Variants in CAMTA1 observed in about 807,000 individuals in gnomAD.
CAMTA1 encodes the protein calmodulin-binding transcription activator 1.
Under a neutral mutation model 170.9 loss-of-function variants are expected in CAMTA1, and 27 were observed. That is an observed-to-expected ratio of 0.16 (90% confidence interval 0.12 to 0.22). The LOEUF (loss-of-function observed/expected upper bound fraction) is 0.22. Among genes scored for constraint, CAMTA1 ranks in the 10% least tolerant of loss-of-function variants. The probability of loss-of-function intolerance (pLI) is 1.00; values close to 1 mark genes in which losing one functional copy is unlikely to be tolerated. For missense variants in CAMTA1, 1,619 were observed against 2,217.2 expected, an observed-to-expected ratio of 0.73 and a Z score of 5.42; for synonymous variants, 833 against 891.5, an observed-to-expected ratio of 0.93 and a Z score of 1.17.
chr1:7,309,610 AT>A (rs1444531689), intron 5 of CAMTA1, among the ~76,000 whole-genome samples: 1 of 151,764 alleles, frequency 6.6e-6, no homozygotes, highest in Non-Finnish European at 1.5e-5. Context: ...GAAAACTTTT[AT>A]TCCTTTGTTT....
intron 3 of CAMTA1, among the ~76,000 whole-genome samples, chr1:6,921,450 T>C (rs1681990785): frequency 6.6e-6 from 1 of 152,246 alleles, no homozygotes; most frequent in Non-Finnish European, 1.5e-5. Context: ...TTTCCTGTCT[T>C]CTTCTGAGCC....
At position 7,635,915 on chromosome 1, in the gene CAMTA1, C is replaced by T. The variant is rs772092090; in HGVS notation, c.511-4485C>T. 6.6e-5 allele frequency among the ~76,000 whole-genome samples: 10 copies of T among 152,276 alleles called. No homozygotes were observed. The highest frequency in any genetic ancestry group is 1.3e-4 in the Non-Finnish European group (9 of 68,018). ...TGTGTGCCCCAAATTTCCAAAATAC[C>T]TCCATCAGCCCATGTCTGAAAACCA... On this transcript the variant is annotated intron_variant, in intron 6 of 22. Transcript: ENST00000303635. The surrounding 1 kb of genome is among the most constrained non-coding windows in gnomAD (Gnocchi z 4.4).
chr1:6,990,362 C>A (rs554997533), intron 3 of CAMTA1, among the ~76,000 whole-genome samples: 1 of 152,016 alleles, frequency 6.6e-6, no homozygotes, highest in Admixed American at 6.6e-5. Context: ...ATGATATATC[C>A]ATCACTTTAA....
In CAMTA1 at chr1:7,493,443, A is replaced by G. The variant is rs1486219301; in HGVS notation, c.510+25542A>G. Among the ~76,000 whole-genome samples the G allele has an allele frequency of 2.7e-5, 4 of 146,352 alleles. 1 individual carries two copies. Among genetic ancestry groups the G allele is most frequent in the East Asian group, 4.1e-4 (2 of 4,898 alleles). On this transcript the variant is annotated intron_variant, in intron 6 of 22. Coordinates refer to ENST00000303635, the MANE Select transcript of CAMTA1 (RefSeq NM_015215.4). Reference sequence around the variant, plus strand: ...CATACACACATGCACACACAAACATACAAACACACGTGCAAACACACAAAA... The same window carrying G: ...CATACACACATGCACACACAAACATGCAAACACACGTGCAAACACACAAAA...
At chr1:7,564,345 T>A (rs1441280871) in intron 6 of CAMTA1, among the ~76,000 whole-genome samples, 1 of 152,206 alleles carries the variant, frequency 6.6e-6, no homozygotes, top group Non-Finnish European at 1.5e-5. Flanking sequence ...TCGCTACTGA[T>A]GTGATTTGTA....
intron 4 of CAMTA1, among the ~76,000 whole-genome samples, chr1:7,149,756 TG>T (rs1315802294): frequency 9.2e-5 from 14 of 152,294 alleles, no homozygotes; most frequent in African/African-American, 3.4e-4. Flanking sequence ...AACTCCGGCC[TG>T]GGCGGCGGCC....
chr1:7,734,975 T>C (rs1156649592), intron 12 of CAMTA1, among the ~76,000 whole-genome samples: 1 of 152,224 alleles, frequency 6.6e-6, no homozygotes, highest in East Asian at 1.9e-4. Context: ...TTTCATTTTA[T>C]TTTTCTTCCA....
chr1:7,175,670 G>A (rs1650650899), intron 4 of CAMTA1, among the ~76,000 whole-genome samples: 1 of 152,234 alleles, frequency 6.6e-6, no homozygotes, highest in South Asian at 2.1e-4. Context: ...CTTGAAGCGG[G>A]GTATCCCCTG....
At chr1:6,880,275 T>C (rs1235994526) in intron 3 of CAMTA1, among the ~76,000 whole-genome samples, 1 of 151,740 alleles carries the variant, frequency 6.6e-6, no homozygotes, top group African/African-American at 2.4e-5. Context: ...AGGGTTTCAC[T>C]ATGTGTCCAG....
chr1:7,755,608 AG>A, intron 21 of CAMTA1, 29 bp from the exon 22 acceptor site: 2 of 1,595,542 alleles, frequency 1.3e-6, no homozygotes, highest in South Asian at 2.2e-5. Context: ...ATGTGCTAAT[AG>A]CTCTCTGGTG....
chr1:7,487,714 A>C (rs1325311618), intron 6 of CAMTA1, among the ~76,000 whole-genome samples: 1 of 152,222 alleles, frequency 6.6e-6, no homozygotes, highest in Non-Finnish European at 1.5e-5. Flanking sequence ...GAGCAGAGGG[A>C]CAAGACTGCA....
intron 3 of CAMTA1, among the ~76,000 whole-genome samples, chr1:6,959,155 G>A (rs985981374): frequency 6.6e-6 from 1 of 152,102 alleles, no homozygotes; most frequent in Non-Finnish European, 1.5e-5. Flanking sequence ...GCTCATCCTT[G>A]GTTCAGTTTG....
At chr1:7,713,436 C>T (rs2149689807) in intron 11 of CAMTA1, among the ~76,000 whole-genome samples, 1 of 152,102 alleles carries the variant, frequency 6.6e-6, no homozygotes, top group East Asian at 1.9e-4. Flanking sequence ...AAGAACTGCC[C>T]CCCAGCCCCC....
chr1:6,942,926 C>G (rs1240251134), intron 3 of CAMTA1, among the ~76,000 whole-genome samples: 1 of 152,164 alleles, frequency 6.6e-6, no homozygotes, highest in Non-Finnish European at 1.5e-5. Flanking sequence ...CTGCTCTGGG[C>G]CGAGCAGGGC....
intron 4 of CAMTA1, among the ~76,000 whole-genome samples, chr1:7,147,928 CACAA>C (rs1646323346): frequency 6.6e-6 from 1 of 150,566 alleles, no homozygotes; most frequent in East Asian, 2.0e-4. Context: ...CATGCACACA[CACAA>C]ACTCATATAC....
chr1:7,416,497 C>A (rs1382578424), intron 5 of CAMTA1, among the ~76,000 whole-genome samples: 1 of 152,184 alleles, frequency 6.6e-6, no homozygotes, highest in African/African-American at 2.4e-5. Context: ...CTTCTCGCTT[C>A]ATTTCATTCA....
chr1:7,414,698 TA>T, intron 5 of CAMTA1, among the ~76,000 whole-genome samples: 1 of 152,282 alleles, frequency 6.6e-6, no homozygotes, highest in East Asian at 1.9e-4. Flanking sequence ...GTTGATCTTT[TA>T]AAAAAACCAG....
chr1:7,063,167 A>G lies in CAMTA1; in HGVS notation c.235-28137A>G, dbSNP rs1708500386. On this transcript the variant is annotated intron_variant, in intron 3 of 22. Transcript: ENST00000303635. This position sits in a 1 kb window ranked among gnomAD's most constrained non-coding sequence, Gnocchi z 4.3. ...CCATTGTGTTCCCAGCATCTCTGGCAGGATGCTGATCGGATAACCAGTGCC... is the reference window on the plus strand; with the variant it reads ...CCATTGTGTTCCCAGCATCTCTGGCGGGATGCTGATCGGATAACCAGTGCC... 1.3e-5 allele frequency among the ~76,000 whole-genome samples: 2 copies of G among 152,216 alleles called. No individual in the cohort carries two copies. The highest frequency in any genetic ancestry group is 2.9e-5 in the Non-Finnish European group (2 of 68,052).
chr1:7,664,480 C>T lies in CAMTA1; in HGVS notation c.1933C>T (p.Pro645Ser), dbSNP rs1198063974. 1.2e-6 allele frequency: 2 copies of T among 1,613,336 alleles called. No homozygotes were observed. Among genetic ancestry groups the T allele is most frequent in the Non-Finnish European group, 1.7e-6 (2 of 1,180,042 alleles). Residue 645 changes from proline to serine, a missense_variant, in exon 9 of 23, where the codon CCC becomes TCC. Pro to Ser is a moderately conservative substitution (Grantham distance 74). This residue lies in a region of CAMTA1 where 731 missense variants were observed against 907.6 expected (regional missense o/e 0.81). Coordinates refer to ENST00000303635, the MANE Select transcript of CAMTA1 (RefSeq NM_015215.4). ...LSDSGGTFVM[P>S]TVKTEASSQT... ...TGACTCTGGGGGCACCTTCGTGATG[C>T]CCACGGTGAAAACGGAGGCCTCGTC...
Sources: gnomAD v4.1 joint callset for allele counts (sites outside exome capture counted in the v4.1 genomes callset) on GRCh38, gnomAD v4.1.1 for gene constraint, gnomAD v4.1.1 regional missense constraint, Gnocchi (gnomAD v3.1) non-coding constraint, MANE v1.5 for transcripts, NCBI Gene and HGNC (gene_info 2026-07-23, HGNC 2026-07-21) for gene names.